The following IQCM variants were observed in gnomAD, a reference collection of about 807,000 sequenced individuals.
IQCM encodes the protein IQ motif containing M, also known as IQ domain-containing protein M.
IQCM carries 45 observed loss-of-function variants against 57.6 expected under a neutral mutation model. The ratio of observed to expected loss-of-function variants is 0.78; its 90% CI spans 0.62 to 1.00. The LOEUF (loss-of-function observed/expected upper bound fraction) is 1.00. IQCM is among the 50% of genes least tolerant of loss of function. The pLI, the probability that IQCM is intolerant of heterozygous loss-of-function variation, is 0.00. For synonymous variants in IQCM, 148 were observed against 158.9 expected (o/e 0.93, Z 0.51); for missense variants, 468 against 511.6 (o/e 0.91, Z 0.82).
At chr4:149,549,532 T>C (rs982255648) in intron 11 of IQCM, among the ~76,000 whole-genome samples, 11 of 152,156 alleles carry the variant, frequency 7.2e-5, no homozygotes, top group African/African-American at 2.7e-4. Flanking sequence ...AAAAAGAAAA[T>C]TGATGCATAC....
intron 5 of IQCM, among the ~76,000 whole-genome samples, chr4:149,728,935 G>A (rs143845624): frequency 1.3e-4 from 20 of 152,238 alleles, no homozygotes; most frequent in Admixed American, 3.9e-4. Flanking sequence ...GGCTCCTTAC[G>A]GTCCAGTAAT....
intron 13 of IQCM, among the ~76,000 whole-genome samples, chr4:149,356,675 G>T (rs1729011896): frequency 6.6e-6 from 1 of 152,152 alleles, no homozygotes; most frequent in Admixed American, 6.5e-5. Context: ...AAGTCAGGTA[G>T]CATGATGCCT....
chr4:149,478,621 A>G (rs1453326490), intron 12 of IQCM, among the ~76,000 whole-genome samples: 1 of 152,162 alleles, frequency 6.6e-6, no homozygotes, highest in Non-Finnish European at 1.5e-5. Context: ...GACTACCAGG[A>G]AACACACTGG....
chr4:149,713,237 C>G (rs754055218), intron 5 of IQCM, among the ~76,000 whole-genome samples: 9 of 152,154 alleles, frequency 5.9e-5, no homozygotes, highest in South Asian at 2.1e-4. Context: ...TGTGATTCAT[C>G]GATACTACCA....
chr4:149,468,872 T>G (rs755496783), intron 12 of IQCM, among the ~76,000 whole-genome samples: 1 of 152,110 alleles, frequency 6.6e-6, no homozygotes, highest in Non-Finnish European at 1.5e-5. Context: ...AGGGTCGGAG[T>G]TCACCTCCAG....
chr4:149,667,315 C>G (rs1025686016), intron 7 of IQCM, among the ~76,000 whole-genome samples: 4 of 152,144 alleles, frequency 2.6e-5, no homozygotes, highest in Middle Eastern at 3.2e-3. Flanking sequence ...CCAGCAAACT[C>G]CAGCAGGCCT....
intron 12 of IQCM, among the ~76,000 whole-genome samples, chr4:149,453,262 G>A (rs1471901209): frequency 1.3e-5 from 2 of 151,714 alleles, no homozygotes; most frequent in Non-Finnish European, 1.5e-5. Flanking sequence ...TAGAAGGAAA[G>A]ACAGGAGTAA....
chr4:149,430,088 T>A, intron 13 of IQCM: 3 of 972,690 alleles, frequency 3.1e-6, no homozygotes, highest in Non-Finnish European at 4.0e-6. Context: ...CCCAAAACTT[T>A]CAACTTAAGT....
At chr4:149,472,520 C>T (rs1192000322) in intron 12 of IQCM, among the ~76,000 whole-genome samples, 1 of 152,102 alleles carries the variant, frequency 6.6e-6, no homozygotes, top group African/African-American at 2.4e-5. Flanking sequence ...TAGGAAGAAT[C>T]AATATTGTGA....
intron 13 of IQCM, among the ~76,000 whole-genome samples, chr4:149,397,564 C>G (rs897291126): frequency 3.9e-5 from 6 of 151,998 alleles, no homozygotes; most frequent in Non-Finnish European, 7.4e-5. Context: ...CCTTTGCCTT[C>G]TGCCATGATT....
intron 2 of IQCM, among the ~76,000 whole-genome samples, chr4:149,747,253 T>A (rs1251612252): frequency 1.3e-5 from 2 of 152,164 alleles, no homozygotes; most frequent in Non-Finnish European, 2.9e-5. Context: ...ATATTAGGCA[T>A]CTAAAATGTG....
At chr4:149,541,205 G>A (rs1747815938) in intron 12 of IQCM, among the ~76,000 whole-genome samples, 1 of 152,092 alleles carries the variant, frequency 6.6e-6, no homozygotes, top group Non-Finnish European at 1.5e-5. Context: ...GTGGTCTGAG[G>A]AACAGGAGGC....
chr4:149,398,293 CAGAA>C (rs1165716509), intron 13 of IQCM, among the ~76,000 whole-genome samples: 8 of 151,888 alleles, frequency 5.3e-5, no homozygotes, highest in African/African-American at 1.4e-4. Flanking sequence ...ATTTTGAAGT[CAGAA>C]AGAATGATAC....
At chr4:149,423,912 A>G (rs1734292164) in intron 13 of IQCM, among the ~76,000 whole-genome samples, 1 of 151,978 alleles carries the variant, frequency 6.6e-6, no homozygotes, top group African/African-American at 2.4e-5. Flanking sequence ...AAGAACTGCC[A>G]TACTACATTA....
intron 7 of IQCM, among the ~76,000 whole-genome samples, chr4:149,630,323 C>T (rs1757155431): frequency 6.6e-6 from 1 of 152,190 alleles, no homozygotes; most frequent in African/African-American, 2.4e-5. Flanking sequence ...TGTTTTGCTG[C>T]TTGCATAACC....
At chr4:149,713,593 C>G (rs1764742323) in intron 5 of IQCM, among the ~76,000 whole-genome samples, 1 of 152,176 alleles carries the variant, frequency 6.6e-6, no homozygotes, top group East Asian at 1.9e-4. Flanking sequence ...TCTAACACTT[C>G]CCCCTGCCCT....
intron 9 of IQCM, among the ~76,000 whole-genome samples, chr4:149,570,382 C>G (rs969553538): frequency 6.6e-6 from 1 of 151,994 alleles, no homozygotes; most frequent in Admixed American, 6.6e-5. Context: ...ATGATGCCCA[C>G]TAGGTCCTCC....
intron 7 of IQCM, among the ~76,000 whole-genome samples, chr4:149,671,267 C>T (rs979760860): frequency 2.6e-4 from 40 of 152,084 alleles, no homozygotes; most frequent in African/African-American, 8.0e-4. Context: ...AGGTTATTTG[C>T]GTAGAGATGT....
At chr4:149,378,511 T>C (rs1376438628) in intron 13 of IQCM, among the ~76,000 whole-genome samples, 1 of 152,154 alleles carries the variant, frequency 6.6e-6, no homozygotes, top group African/African-American at 2.4e-5. Context: ...ACTCATTATA[T>C]TTTAGCAAAG....
Sources: gnomAD v4.1 joint callset for allele counts (sites outside exome capture counted in the v4.1 genomes callset) on GRCh38, gnomAD v4.1.1 for gene constraint, MANE v1.5 for transcripts, NCBI Gene and HGNC (gene_info 2026-07-23, HGNC 2026-07-21) for gene names.